The following TMEM108 variants were observed in gnomAD, a reference collection of about 807,000 sequenced individuals.
TMEM108 encodes transmembrane protein 108.
Under a neutral mutation model 35.1 loss-of-function variants are expected in TMEM108, and 12 were observed. That is an observed-to-expected ratio of 0.34 (90% CI 0.22 to 0.55). The LOEUF is 0.55. Ranked by LOEUF, TMEM108 falls within the 20% of genes least tolerant of loss-of-function variation. The probability of loss-of-function intolerance (pLI) is 0.89; values close to 1 mark genes in which losing one functional copy is unlikely to be tolerated. For missense variants in TMEM108, 680 were observed against 753.3 expected (o/e 0.90, Z 1.14); for synonymous variants, 287 against 308.6 (o/e 0.93, Z 0.73).
At chr3:133,340,108 T>TAAATG in intron 3 of TMEM108, among the ~76,000 whole-genome samples, 1 of 148,836 alleles carries the variant, frequency 6.7e-6, no homozygotes, top group East Asian at 2.0e-4. Context: ...AGAACAGAAA[T>TAAATG]AAATGAAATG....
chr3:133,151,745 T>C (rs1297714070), intron 2 of TMEM108, among the ~76,000 whole-genome samples: 1 of 152,202 alleles, frequency 6.6e-6, no homozygotes, highest in Non-Finnish European at 1.5e-5. Flanking sequence ...CAAATAGCAA[T>C]AGAACCATTA....
chr3:133,073,510 C>CTCTCTCTCTCTCTCTCTATATA, intron 2 of TMEM108, among the ~76,000 whole-genome samples: 192 of 43,814 alleles, frequency 4.4e-3, no homozygotes, highest in Non-Finnish European at 6.2e-3. Flanking sequence ...CTCTCTCTCT[C>CTCTCTCTCTCTCTCTCTATATA]TATATATATA....
chr3:133,153,897 A>T (rs939512915), intron 2 of TMEM108, among the ~76,000 whole-genome samples: 4 of 152,176 alleles, frequency 2.6e-5, no homozygotes, highest in Admixed American at 2.6e-4. Flanking sequence ...ATATAGTCAC[A>T]CTTTGCAGGC....
intron 3 of TMEM108, among the ~76,000 whole-genome samples, chr3:133,358,847 GGA>G (rs1267621580): frequency 1.3e-5 from 2 of 152,066 alleles, no homozygotes; most frequent in Non-Finnish European, 2.9e-5. Flanking sequence ...TAGTTGGGGT[GGA>G]GAAGGATATG....
chr3:133,040,073 C>T (rs1943254633), intron 1 of TMEM108, among the ~76,000 whole-genome samples: 1 of 152,094 alleles, frequency 6.6e-6, no homozygotes, highest in African/African-American at 2.4e-5. Context: ...CAAGTTGCTG[C>T]AAAGCTCATT....
intron 2 of TMEM108, among the ~76,000 whole-genome samples, chr3:133,201,184 G>A (rs1945659819): frequency 6.6e-6 from 1 of 152,038 alleles, no homozygotes; most frequent in South Asian, 2.1e-4. Context: ...CACAGCTTAA[G>A]CCTGGAAACA....
At chr3:133,328,876 G>A (rs984171054) in intron 3 of TMEM108, among the ~76,000 whole-genome samples, 4 of 152,266 alleles carry the variant, frequency 2.6e-5, no homozygotes, top group Middle Eastern at 6.8e-3. Context: ...GGGAGTGGTT[G>A]GAAGGAATCA....
rs866746572 is a variant in TMEM108 at position 133,327,504 on chromosome 3, C to T, written c.41-52248C>T. Among the ~76,000 whole-genome samples, 8 of 152,262 alleles carry T rather than the reference C, an allele frequency of 5.3e-5. No individual in the cohort carries two copies. The South Asian group carries it at 1.7e-3, about 32-fold the overall frequency. ...CAGGTCGTACTAATGCCAGGCAAAT[C>T]CTGAATAGTGATAGGAGCCCCCCAG... On this transcript the variant is annotated intron_variant, in intron 3 of 5. Coordinates refer to ENST00000321871, the MANE Select transcript of TMEM108 (RefSeq NM_023943.4).
At chr3:133,061,105 G>A (rs928426512) in intron 2 of TMEM108, among the ~76,000 whole-genome samples, 1 of 152,060 alleles carries the variant, frequency 6.6e-6, no homozygotes, top group Non-Finnish European at 1.5e-5. Context: ...ATATGAACAT[G>A]CAAGGCCTGT....
chr3:133,207,046 C>T (rs988796907), intron 2 of TMEM108, among the ~76,000 whole-genome samples: 5 of 152,122 alleles, frequency 3.3e-5, no homozygotes, highest in Admixed American at 2.0e-4. Context: ...AGAGGGTTTG[C>T]GGAGCTGTGG....
chr3:133,158,217 C>A lies in TMEM108; in HGVS notation c.-46-71049C>A, dbSNP rs374775057. Among the ~76,000 whole-genome samples, 12 of 152,144 alleles carry A rather than the reference C, an allele frequency of 7.9e-5. No homozygotes were observed. The East Asian group carries it at 1.7e-3, about 22-fold the overall frequency. On this transcript the variant is annotated intron_variant, in intron 2 of 5. Transcript: ENST00000321871. ...AGGTGTGGTGGCTCACACCTGTAAT[C>A]CCAGCACTTTGGGAGGCCAAGGTGG...
intron 3 of TMEM108, among the ~76,000 whole-genome samples, chr3:133,371,169 C>A (rs2072657225): frequency 6.6e-6 from 1 of 152,186 alleles, no homozygotes; most frequent in African/African-American, 2.4e-5. Flanking sequence ...GCTTTGATTT[C>A]ACTTCTACAT....
intron 1 of TMEM108, among the ~76,000 whole-genome samples, chr3:133,040,044 A>G (rs755420542): frequency 8.5e-5 from 13 of 152,198 alleles, no homozygotes; most frequent in Non-Finnish European, 1.5e-4. Context: ...GTTTTCTGAG[A>G]TGAATGAAAG....
intron 3 of TMEM108, among the ~76,000 whole-genome samples, chr3:133,289,807 C>A (rs557728448): frequency 6.6e-6 from 1 of 152,108 alleles, no homozygotes; most frequent in Non-Finnish European, 1.5e-5. Flanking sequence ...AAGGGCCACT[C>A]GAATCAAAAA....
At chr3:133,235,551 C>T (rs1946223570) in intron 3 of TMEM108, among the ~76,000 whole-genome samples, 1 of 152,070 alleles carries the variant, frequency 6.6e-6, no homozygotes, top group South Asian at 2.1e-4. Flanking sequence ...TTACTTAAGC[C>T]TCTGTGAGCC....
intron 3 of TMEM108, among the ~76,000 whole-genome samples, chr3:133,262,512 G>A (rs1946639077): frequency 6.6e-6 from 1 of 152,154 alleles, no homozygotes; most frequent in African/African-American, 2.4e-5. Context: ...TAGAAAGATT[G>A]CTCAAACAAA....
At chr3:133,038,692 C>T (rs1943236285) in intron 1 of TMEM108, among the ~76,000 whole-genome samples, 1 of 152,222 alleles carries the variant, frequency 6.6e-6, no homozygotes, top group African/African-American at 2.4e-5. Context: ...CCTTTGTTTC[C>T]CGCCTGGAGG....
chr3:133,172,602 T>G (rs1479775827), intron 2 of TMEM108, among the ~76,000 whole-genome samples: 1 of 152,254 alleles, frequency 6.6e-6, no homozygotes, highest in Non-Finnish European at 1.5e-5. Context: ...AACATAACTA[T>G]GCTTACAGAA....
chr3:133,147,232 C>A (rs1182790297), intron 2 of TMEM108, among the ~76,000 whole-genome samples: 1 of 152,164 alleles, frequency 6.6e-6, no homozygotes, highest in African/African-American at 2.4e-5. Context: ...AGTAGTCATT[C>A]AGGAGCAGGT....
Sources: allele counts gnomAD v4.1 joint callset (sites outside exome capture counted in the v4.1 genomes callset), GRCh38; gene constraint gnomAD v4.1.1; transcripts MANE v1.5; gene names NCBI Gene and HGNC (gene_info 2026-07-23, HGNC 2026-07-21).